The following ZNF738 variants were observed in gnomAD, a reference collection of about 807,000 sequenced individuals.
ZNF738 encodes the protein protein ZNF738.
ZNF738 carries 10 observed loss-of-function variants against 9.2 expected under a neutral mutation model. The ratio of observed to expected loss-of-function variants is 1.09; its 90% CI spans 0.67 to 1.85. The LOEUF is 1.85. ZNF738 is among the 40% of genes most tolerant of loss of function. The pLI is 0.00. For synonymous variants in ZNF738, 113 were observed against 94.5 expected (o/e 1.20, Z -1.14); for missense variants, 346 against 283.6 (o/e 1.22, Z -1.58).
Position 21,373,074 on chromosome 19 carries a change from G to A in ZNF738, c.97-2164G>A, listed in dbSNP as rs188213779. 6.4e-3 allele frequency among the ~76,000 whole-genome samples: 967 copies of A among 152,136 alleles called. 16 individuals are homozygous for A. Among genetic ancestry groups the A allele is most frequent in the African/African-American group, 0.021 (890 of 41,494 alleles). ...GGGGAGCAACATCAGCATTGACACG[G>A]GACTTGTTTGAAACACCCATCCATG... On this transcript the variant is annotated intron_variant, in intron 2 of 4. Coordinates refer to ENST00000683779, the MANE Select transcript of ZNF738 (RefSeq NM_001355237.2).
intron 2 of ZNF738, among the ~76,000 whole-genome samples, chr19:21,364,442 G>A (rs1973747825): frequency 6.6e-6 from 1 of 152,074 alleles, no homozygotes; most frequent in African/African-American, 2.4e-5. Context: ...TAATGGCTCA[G>A]ATTGAGGGTA....
chr19:21,384,167 A>G lies in ZNF738; in HGVS notation c.*493A>G. ...TTCATACTGTAGAGAAACGCTACAA[A>G]TGTGAGGAATGTGGCAAAGCTTTTA... On this transcript the variant is annotated 3_prime_UTR_variant, in exon 5 of 5. Coordinates refer to ENST00000683779, the MANE Select transcript of ZNF738 (RefSeq NM_001355237.2). 7.0e-7 allele frequency: 1 copy of G among 1,437,744 alleles called. No individual in the cohort carries two copies. The highest frequency in any genetic ancestry group is 9.8e-7 in the Non-Finnish European group (1 of 1,025,586). The allele number at this position is 1,437,744 out of a possible 1,614,324, so 89.1% of individuals were successfully genotyped here.
chr19:21,363,094 A>G (rs1424362435), intron 2 of ZNF738, among the ~76,000 whole-genome samples: 2 of 152,192 alleles, frequency 1.3e-5, no homozygotes, highest in African/African-American at 4.8e-5. Flanking sequence ...CCATATGACT[A>G]AATGTTTGCT....
rs1974026805 is a variant in ZNF738 at position 21,383,227 on chromosome 19, TAGAG to T, written c.685_688del (p.Glu229IlefsTer51). 3.8e-6 allele frequency: 6 copies of T among 1,596,076 alleles called. No homozygotes were observed. The Admixed American group carries it at 8.4e-5, about 22-fold the overall frequency. ...TAGGTCAACATAAAATAATTCATAT[TAGAG>T]AGAATTCTTACCAATGTGAAGAATG... On this transcript the variant is annotated frameshift_variant, in exon 5 of 5. Transcript: ENST00000683779. LOFTEE classifies it low-confidence loss of function (END_TRUNC).
chr19:21,381,553 G>A, intron 4 of ZNF738: 2 of 691,162 alleles, frequency 2.9e-6, no homozygotes, highest in Non-Finnish European at 5.1e-6. Context: ...CAGTGCAGTG[G>A]CGTGATCTCA....
intron 4 of ZNF738, among the ~76,000 whole-genome samples, chr19:21,377,137 A>T (rs914490854): frequency 1.3e-5 from 2 of 151,896 alleles, no homozygotes; most frequent in African/African-American, 4.8e-5. Flanking sequence ...GAGAAACCCC[A>T]TCTCTACTAA....
intron 2 of ZNF738, among the ~76,000 whole-genome samples, chr19:21,373,735 A>C (rs532228113): frequency 2.0e-4 from 29 of 147,680 alleles, no homozygotes; most frequent in African/African-American, 7.3e-4. Flanking sequence ...AGAGAATGTC[A>C]TCTGAAAAGC....
chr19:21,383,702 A>G lies in ZNF738; in HGVS notation c.*28A>G. 1.0e-6 allele frequency: 1 copy of G among 991,970 alleles called. No individual in the cohort carries two copies. Among genetic ancestry groups the G allele is most frequent in the Non-Finnish European group, 1.6e-6 (1 of 633,776 alleles). The allele number at this position is 991,970 out of a possible 1,614,324, so 61.4% of individuals were successfully genotyped here. ...TGGCAAAGCCTTTAATGTATTCGCA[A>G]CCCTTACTAGACATAAGATAATTCA... On this transcript the variant is annotated 3_prime_UTR_variant, in exon 5 of 5. Transcript: ENST00000683779.
At chr19:21,376,071 A>C (rs941086826) in intron 4 of ZNF738, 107 bp downstream of exon 4, 3 of 537,086 alleles carry the variant, frequency 5.6e-6, no homozygotes, top group Non-Finnish European at 1.0e-5. Context: ...TTCCAAAGCA[A>C]ATAGATTCTG....
intron 2 of ZNF738, among the ~76,000 whole-genome samples, chr19:21,367,444 G>T (rs1008018572): frequency 1.3e-5 from 2 of 152,112 alleles, no homozygotes; most frequent in Non-Finnish European, 2.9e-5. Context: ...GTGAGACTGA[G>T]CCCTGAATCA....
rs1320004937 is a variant in ZNF738, at chr19:21,387,389, A to C, written c.*3715A>C. On this transcript the variant is annotated 3_prime_UTR_variant, in exon 5 of 5. Coordinates refer to ENST00000683779, the MANE Select transcript of ZNF738 (RefSeq NM_001355237.2). The stretch of plus-strand genomic sequence containing the variant: ...CTTTTAGTAGAGATGGGGTATGACC[A>C]TCTTGGCCAGGCTGGTCTCAAACTC... Among the ~76,000 whole-genome samples, 1 of 151,832 alleles carries C rather than the reference A, an allele frequency of 6.6e-6. No individual in the cohort carries two copies. The highest frequency in any genetic ancestry group is 1.5e-5 in the Non-Finnish European group (1 of 67,946).
chr19:21,383,180 T>G lies in ZNF738; in HGVS notation c.634T>G (p.Ser212Ala). ...KPFKCKKCGK[S>A]FCMLLHLGQH... ...TTTCAAATGTAAAAAATGTGGCAAA[T>G]CATTTTGCATGCTTTTACACCTAGG... Residue 212 changes from serine to alanine, a missense_variant, in exon 5 of 5, where the codon TCA becomes GCA. By Grantham distance (99) the Ser-to-Ala change is moderately conservative. Coordinates refer to ENST00000683779, the MANE Select transcript of ZNF738 (RefSeq NM_001355237.2). 1 of 1,600,952 alleles carries G rather than the reference T, an allele frequency of 6.2e-7. No individual in the cohort carries two copies. Among genetic ancestry groups the G allele is most frequent in the Non-Finnish European group, 8.6e-7 (1 of 1,169,418 alleles).
intron 4 of ZNF738, chr19:21,378,529 A>G (rs1197441241): frequency 3.9e-6 from 1 of 259,498 alleles, no homozygotes; most frequent in African/African-American, 2.3e-5. Flanking sequence ...TATATCACAC[A>G]GTTTTCTTCT....
intron 4 of ZNF738, among the ~76,000 whole-genome samples, chr19:21,379,660 A>G (rs1000610067): frequency 6.6e-6 from 1 of 152,172 alleles, no homozygotes; most frequent in African/African-American, 2.4e-5. Context: ...ACAAGCAAGC[A>G]ATAAAGATAC....
rs1396797790 is a variant in ZNF738 at position 21,382,920 on chromosome 19, C to G, written c.374C>G (p.Ser125Cys). The G allele has an allele frequency of 9.0e-6, 5 of 555,090 alleles. No individual in the cohort carries two copies. The East Asian group carries it at 1.6e-4, about 18-fold the overall frequency. The allele number at this position is 555,090 out of a possible 1,614,324, so 34.4% of individuals were successfully genotyped here. A position where few individuals can be genotyped will look rare whatever the true frequency, so the allele number is the denominator to read the frequency against. The part of the protein sequence containing the change: ...DLWPQPGIKD[S>C]FQKVILREYG... ...TGGCCACAGCCGGGCATAAAAGATTCTTTCCAAAAAGTGATACTGAGAGAA... is the reference window on the plus strand; with the variant it reads ...TGGCCACAGCCGGGCATAAAAGATTGTTTCCAAAAAGTGATACTGAGAGAA... The change falls in exon 5 of 5, where the codon TCT becomes TGT. Residue 125 changes from serine (S) to cysteine (C), a missense_variant. Coordinates refer to ENST00000683779, the MANE Select transcript of ZNF738 (RefSeq NM_001355237.2).
intron 2 of ZNF738, among the ~76,000 whole-genome samples, chr19:21,364,912 ATTTT>A (rs71176864): frequency 0.015 from 1,440 of 99,212 alleles, 43 homozygotes; most frequent in African/African-American, 0.049. Context: ...TACCCAGCTA[ATTTT>A]TTTTTTTTTT....
At position 21,388,207 on chromosome 19, in the gene ZNF738, AC is replaced by A. The variant is rs1413354967; in HGVS notation, c.*4534del. Among the ~76,000 whole-genome samples the A allele has an allele frequency of 6.6e-6, 1 of 152,180 alleles. No individual in the cohort carries two copies. Among genetic ancestry groups the A allele is most frequent in the Non-Finnish European group, 1.5e-5 (1 of 68,018 alleles). On this transcript the variant is annotated 3_prime_UTR_variant, in exon 5 of 5. Transcript: ENST00000683779. ...AGAGTAATAACTACATTCTAAGTATACTTTATTTCTTGAAAAAATTACAGAC... is the reference window on the plus strand; with the variant it reads ...AGAGTAATAACTACATTCTAAGTATATTTATTTCTTGAAAAAATTACAGAC...
chr19:21,375,753 T>G (rs1458737849), intron 3 of ZNF738, 116 bp from the exon 4 acceptor site: 1 of 511,046 alleles, frequency 2.0e-6, no homozygotes, highest in Non-Finnish European at 3.6e-6. Flanking sequence ...CATTAAATAG[T>G]ATTTTGGGAT....
At chr19:21,381,211 C>T (rs370316676) in intron 4 of ZNF738, 5 of 1,497,792 alleles carry the variant, frequency 3.3e-6, no homozygotes. Flanking sequence ...CCAGAAGAGT[C>T]CTGAGATTTC....
Sources: allele counts gnomAD v4.1 joint callset (sites outside exome capture counted in the v4.1 genomes callset), GRCh38; gene constraint gnomAD v4.1.1; transcripts MANE v1.5; gene names NCBI Gene and HGNC (gene_info 2026-07-23, HGNC 2026-07-21).